PBX1: variants seen among roughly 807,000 people sequenced by gnomAD.
PBX1 encodes the protein PBX homeobox 1.
A neutral mutation model predicts 53.4 loss-of-function variants in PBX1; 6 were observed. The ratio of observed to expected loss-of-function variants is 0.11; its 90% CI spans 0.06 to 0.22. The LOEUF (loss-of-function observed/expected upper bound fraction) is 0.22, where lower values mean the gene tolerates loss of function less well. PBX1 is among the 10% of genes least tolerant of loss of function. The pLI is 1.00. For missense variants in PBX1, 251 were observed against 551.4 expected (o/e 0.46, Z 5.46); for synonymous variants, 204 against 212.3 (o/e 0.96, Z 0.34).
Position 164,650,942 on chromosome 1 carries a change from G to A in PBX1, c.265+87631G>A, listed in dbSNP as rs150290843. On this transcript the variant is annotated intron_variant, in intron 2 of 8. Coordinates refer to ENST00000420696, the MANE Select transcript of PBX1 (RefSeq NM_002585.4). ...CCAGGGAGGGATGGTGGTTGAAAAT[G>A]GGGGGAATGATGTTGCTCAGAAAAA... 1.1e-3 allele frequency among the ~76,000 whole-genome samples: 161 copies of A among 142,566 alleles called. 2 individuals are homozygous for A. The highest frequency in any genetic ancestry group is 3.8e-3 in the African/African-American group (148 of 39,116). 93.5% of individuals were successfully genotyped at this position (142,566 alleles called of 152,430 possible).
intron 2 of PBX1, among the ~76,000 whole-genome samples, chr1:164,627,811 C>T (rs929631538): frequency 1.6e-4 from 25 of 151,810 alleles, no homozygotes; most frequent in Admixed American, 1.5e-3. Flanking sequence ...TATTTTTTTT[C>T]TCCAGTGGGC....
chr1:164,622,745 C>T (rs916738440), intron 2 of PBX1, among the ~76,000 whole-genome samples: 7 of 151,750 alleles, frequency 4.6e-5, no homozygotes, highest in African/African-American at 7.3e-5. Context: ...CAACCCACAA[C>T]CACTTTGCTG....
chr1:164,606,551 G>A (rs1045493182), intron 2 of PBX1, among the ~76,000 whole-genome samples: 1 of 152,222 alleles, frequency 6.6e-6, no homozygotes, highest in African/African-American at 2.4e-5. Flanking sequence ...ACTCCAGCCT[G>A]AACAACAGAG....
intron 2 of PBX1, among the ~76,000 whole-genome samples, chr1:164,660,572 T>TA: frequency 1.4e-5 from 2 of 146,030 alleles, no homozygotes; most frequent in Middle Eastern, 6.8e-3. Context: ...CAGTCAGTTG[T>TA]AGTAACATCA....
At chr1:164,870,315 T>C (rs897179636) in intron 2 of PBX1, among the ~76,000 whole-genome samples, 1 of 96,990 alleles carries the variant, frequency 1.0e-5, no homozygotes, top group African/African-American at 4.3e-5. Flanking sequence ...CTTTCTTTCT[T>C]TCTTTCTTTC....
At chr1:164,627,156 A>G (rs1367290271) in intron 2 of PBX1, among the ~76,000 whole-genome samples, 1 of 152,160 alleles carries the variant, frequency 6.6e-6, no homozygotes, top group Non-Finnish European at 1.5e-5. Context: ...AGCAAAATGT[A>G]CTTGGAGCAT....
intron 2 of PBX1, among the ~76,000 whole-genome samples, chr1:164,571,893 A>ATATATG (rs1170012065): frequency 8.5e-6 from 1 of 117,598 alleles, no homozygotes; most frequent in Non-Finnish European, 1.7e-5. Flanking sequence ...ATATATATAT[A>ATATATG]TATATATATA....
chr1:164,801,347 G>A (rs1210357935), intron 4 of PBX1, among the ~76,000 whole-genome samples: 2 of 151,818 alleles, frequency 1.3e-5, no homozygotes, highest in African/African-American at 2.4e-5. Context: ...CCTCTGTTTG[G>A]GTCCTTCCTC....
intron 2 of PBX1, among the ~76,000 whole-genome samples, chr1:164,632,728 G>T (rs1042077568): frequency 1.3e-5 from 2 of 152,090 alleles, no homozygotes; most frequent in African/African-American, 2.4e-5. Flanking sequence ...AGAATCAGTG[G>T]TACGGACACA....
intron 2 of PBX1, among the ~76,000 whole-genome samples, chr1:164,615,423 T>C (rs1035660166): frequency 2.6e-5 from 4 of 152,138 alleles, no homozygotes; most frequent in Non-Finnish European, 2.9e-5. Flanking sequence ...ATAACATTCT[T>C]TTTTTTAGAA....
chr1:164,570,315 C>T (rs1255694651), intron 2 of PBX1, among the ~76,000 whole-genome samples: 1 of 152,104 alleles, frequency 6.6e-6, no homozygotes, highest in Non-Finnish European at 1.5e-5. Context: ...CCCATCAACC[C>T]GTCATCTACA....
At chr1:164,644,709 T>A (rs1659350242) in intron 2 of PBX1, among the ~76,000 whole-genome samples, 1 of 152,182 alleles carries the variant, frequency 6.6e-6, no homozygotes, top group Admixed American at 6.5e-5. Context: ...TTGGCCTTAA[T>A]GTGTCTTGTG....
At chr1:164,873,266 G>A (rs910008063) in intron 2 of PBX1, among the ~76,000 whole-genome samples, 2 of 152,308 alleles carry the variant, frequency 1.3e-5, no homozygotes, top group East Asian at 1.9e-4. Flanking sequence ...GACTTCAGGC[G>A]GAGAGGGTTG....
intron 2 of PBX1, among the ~76,000 whole-genome samples, chr1:164,705,762 C>T (rs1489210893): frequency 1.3e-5 from 2 of 152,194 alleles, no homozygotes; most frequent in Non-Finnish European, 2.9e-5. Context: ...GTACCATCAA[C>T]TTGCCTTTAA....
At chr1:164,677,572 T>A (rs879887999) in intron 2 of PBX1, among the ~76,000 whole-genome samples, 2 of 152,182 alleles carry the variant, frequency 1.3e-5, no homozygotes, top group Non-Finnish European at 2.9e-5. Flanking sequence ...TTGATAATTA[T>A]GTGGCATGGG....
rs1395887043 is a variant in PBX1, at chr1:164,602,827, G to T, written c.265+39516G>T. On this transcript the variant is annotated intron_variant, in intron 2 of 8. Coordinates refer to ENST00000420696, the MANE Select transcript of PBX1 (RefSeq NM_002585.4). ...CTTAGATTTCTTTCTGCCCTCAAAGGTACTTGTGGAATGTTTGCCGTTAAA... is the reference window on the plus strand; with the variant it reads ...CTTAGATTTCTTTCTGCCCTCAAAGTTACTTGTGGAATGTTTGCCGTTAAA... Among the ~76,000 whole-genome samples, 5 of 152,260 alleles carry T rather than the reference G, an allele frequency of 3.3e-5. 1 individual carries two copies. The highest frequency in any genetic ancestry group is 3.3e-4 in the Admixed American group (5 of 15,290).
chr1:164,609,624 A>G (rs888541846), intron 2 of PBX1, among the ~76,000 whole-genome samples: 3 of 152,040 alleles, frequency 2.0e-5, no homozygotes, highest in South Asian at 2.1e-4. Context: ...CTAGAGTACT[A>G]GGGACTGCTT....
chr1:164,626,417 T>C (rs1658049005), intron 2 of PBX1, among the ~76,000 whole-genome samples: 1 of 152,178 alleles, frequency 6.6e-6, no homozygotes, highest in Non-Finnish European at 1.5e-5. Context: ...GCCTGGTCTC[T>C]GCTAGTGGGT....
chr1:164,786,970 C>T (rs537701412), intron 2 of PBX1, among the ~76,000 whole-genome samples: 88 of 152,172 alleles, frequency 5.8e-4, no homozygotes, highest in Admixed American at 1.4e-3. Context: ...TAATTCAGTG[C>T]GTGCAAGTAC....
Sources: allele counts gnomAD v4.1 joint callset (sites outside exome capture counted in the v4.1 genomes callset), GRCh38; gene constraint gnomAD v4.1.1; transcripts MANE v1.5; gene names NCBI Gene and HGNC (gene_info 2026-07-23, HGNC 2026-07-21).